MLLT10: variants seen among roughly 807,000 people sequenced by gnomAD.
The protein encoded by MLLT10 is MLLT10 histone lysine methyltransferase DOT1L cofactor.
Under a neutral mutation model 129.1 loss-of-function variants are expected in MLLT10, and 30 were observed. The observed-to-expected ratio is 0.23, with a 90% CI of 0.17 to 0.32. The LOEUF is 0.32. Ranked by LOEUF, MLLT10 falls within the 10% of genes least tolerant of loss-of-function variation. MLLT10 has a pLI of 1.00. For synonymous variants in MLLT10, 490 were observed against 446.4 expected, an observed-to-expected ratio of 1.10 and a Z score of -1.23; for missense variants, 1,119 against 1,268.3, an observed-to-expected ratio of 0.88 and a Z score of 1.79.
At position 21,631,363 on chromosome 10, in the gene MLLT10, AAG is replaced by A. The variant is rs2046997915; in HGVS notation, c.699+14160_699+14161del. On this transcript the variant is annotated intron_variant, in intron 8 of 22. Coordinates refer to ENST00000307729, the MANE Select transcript of MLLT10 (RefSeq NM_001195626.3). ...AAAGTAATGGGCAGACGAAGAGATA[AAG>A]AGACACCTATTAATAAATGATAGAG... 1.3e-5 allele frequency among the ~76,000 whole-genome samples: 2 copies of A among 151,666 alleles called. 1 individual carries two copies. Among genetic ancestry groups the A allele is most frequent in the South Asian group, 4.2e-4 (2 of 4,812 alleles).
chr10:21,671,206 T>C (rs543583431), intron 10 of MLLT10, among the ~76,000 whole-genome samples: 9 of 152,202 alleles, frequency 5.9e-5, no homozygotes, highest in Admixed American at 5.9e-4. Flanking sequence ...TTAGTAGAGA[T>C]GGGATTTCAC....
chr10:21,699,569 G>A (rs1052848644), intron 13 of MLLT10, among the ~76,000 whole-genome samples: 1 of 151,870 alleles, frequency 6.6e-6, no homozygotes, highest in African/African-American at 2.4e-5. Context: ...TAGAAATGGG[G>A]TACAGTTCTA....
At chr10:21,672,758 C>T (rs11812556) in intron 10 of MLLT10, among the ~76,000 whole-genome samples, 5,458 of 152,180 alleles carry the variant, frequency 0.036, 331 homozygotes, top group African/African-American at 0.12. Flanking sequence ...ATTATTTTGT[C>T]AAATCCATTT....
chr10:21,606,139 G>C (rs940652979), intron 5 of MLLT10, among the ~76,000 whole-genome samples: 16 of 152,118 alleles, frequency 1.1e-4, no homozygotes, highest in African/African-American at 3.9e-4. Flanking sequence ...AATAAATGTT[G>C]TATGTGTTCT....
At chr10:21,574,708 A>G (rs1370586992) in intron 3 of MLLT10, among the ~76,000 whole-genome samples, 2 of 152,184 alleles carry the variant, frequency 1.3e-5, no homozygotes, top group African/African-American at 4.8e-5. Context: ...TATATAGGGT[A>G]ACTTCCTGGC....
chr10:21,729,459 A>G (rs1022670668), intron 16 of MLLT10, among the ~76,000 whole-genome samples: 1 of 152,232 alleles, frequency 6.6e-6, no homozygotes, highest in East Asian at 1.9e-4. Context: ...TTATCCTGGT[A>G]TAGTGTACTA....
chr10:21,551,420 C>T (rs2130950714), intron 3 of MLLT10, among the ~76,000 whole-genome samples: 2 of 140,942 alleles, frequency 1.4e-5, no homozygotes, highest in East Asian at 2.2e-4. Flanking sequence ...TTTTTTGTTA[C>T]TGCTGACTCA....
intron 12 of MLLT10, among the ~76,000 whole-genome samples, chr10:21,681,875 T>C (rs1292396038): frequency 1.3e-5 from 2 of 152,172 alleles, no homozygotes; most frequent in Admixed American, 1.3e-4. Context: ...TTTACCTATA[T>C]AGATTTGCAT....
chr10:21,651,646 T>C, intron 8 of MLLT10, 27 bp from the exon 9 acceptor site: 2 of 1,535,912 alleles, frequency 1.3e-6, no homozygotes, highest in Non-Finnish European at 1.8e-6. Context: ...TAAATTAAAA[T>C]TGGATTTTAC....
At chr10:21,715,871 C>A (rs964471476) in intron 14 of MLLT10, among the ~76,000 whole-genome samples, 1 of 152,228 alleles carries the variant, frequency 6.6e-6, no homozygotes, top group Non-Finnish European at 1.5e-5. Flanking sequence ...GGGTCTCTTA[C>A]AAATGTGATC....
In MLLT10 at chr10:21,681,373, A is replaced by G. The variant is rs769164547; in HGVS notation, c.1663A>G (p.Thr555Ala). The change falls in exon 12 of 23, where the codon ACT (threonine) becomes GCT (alanine). Residue 555 changes from threonine (T) to alanine (A), a missense_variant. Around this residue, in one of 5 missense-constraint regions of MLLT10, gnomAD observed 1,004 missense variants for 1,008.7 expected, o/e 1.00. Transcript: ENST00000307729. ...QYRHDGACPT[T>A]TFSELLNAIH... ...TCGGCATGATGGAGCTTGCCCAACA[A>G]CTAGTAAGTTGTCAAACTGGGTTGA... 2.5e-6 allele frequency: 4 copies of G among 1,610,168 alleles called. No homozygotes were observed. The highest frequency in any genetic ancestry group is 1.7e-6 in the Non-Finnish European group (2 of 1,177,918).
chr10:21,704,353 CTCTCTA>C (rs1157009777), intron 13 of MLLT10, among the ~76,000 whole-genome samples: 3,169 of 64,234 alleles, frequency 0.049, 36 homozygotes, highest in African/African-American at 0.086. Flanking sequence ...CTCTCTCTCT[CTCTCTA>C]TATATATATA....
intron 5 of MLLT10, among the ~76,000 whole-genome samples, chr10:21,609,624 T>C (rs1393184130): frequency 1.3e-5 from 2 of 152,146 alleles, no homozygotes; most frequent in African/African-American, 4.8e-5. Flanking sequence ...CTTGCTGTCT[T>C]TCTCTAGTTC....
At chr10:21,546,883 A>G (rs1564382042) in intron 3 of MLLT10, among the ~76,000 whole-genome samples, 1 of 151,874 alleles carries the variant, frequency 6.6e-6, no homozygotes, top group Non-Finnish European at 1.5e-5. Flanking sequence ...ATGCGCCACC[A>G]CACCTGGCTG....
In MLLT10 at chr10:21,555,388, A is replaced by G. The variant is rs576293217; in HGVS notation, c.240+16476A>G. Among the ~76,000 whole-genome samples, 3 of 149,758 alleles carry G rather than the reference A, an allele frequency of 2.0e-5. No homozygotes were observed. In the East Asian group the frequency reaches 6.1e-4, roughly 31 times the overall value. On this transcript the variant is annotated intron_variant, in intron 3 of 22. Coordinates refer to ENST00000307729, the MANE Select transcript of MLLT10 (RefSeq NM_001195626.3). Reference sequence around the variant, plus strand: ...CAGGCGCCTGCCACCACGCCTGGCTAATTTTTGTATTTTTAGTAGAGACTG... The same window carrying G: ...CAGGCGCCTGCCACCACGCCTGGCTGATTTTTGTATTTTTAGTAGAGACTG...
In MLLT10 at chr10:21,733,841, C is replaced by T. The variant is rs547204318; in HGVS notation, c.2570C>T (p.Pro857Leu). 14 of 1,614,112 alleles carry T rather than the reference C, an allele frequency of 8.7e-6. No homozygotes were observed. The highest frequency in any genetic ancestry group is 2.2e-5 in the East Asian group (1 of 44,878). The change falls in exon 20 of 23, where the codon CCG becomes CTG. Residue 857 changes from proline (P) to leucine (L), a missense_variant. Around this residue, in one of 5 missense-constraint regions of MLLT10, gnomAD observed 1,004 missense variants for 1,008.7 expected, o/e 1.00. Transcript: ENST00000307729. ...ACCCCACCTCCTGCTGGGCAGAGTC[C>T]GGCTCAACAAGGCTCAGGAGTGAGT... ...LSTPPPAGQSPAQQGSGVSGV... is the reference protein window; with the variant it reads ...LSTPPPAGQSLAQQGSGVSGV...
chr10:21,665,005 G>T (rs1564607157), intron 9 of MLLT10, among the ~76,000 whole-genome samples: 1 of 143,832 alleles, frequency 7.0e-6, no homozygotes, highest in Non-Finnish European at 1.5e-5. Context: ...GAGTGCAGTA[G>T]CATGATCTCA....
At position 21,535,601 on chromosome 10, in the gene MLLT10, C is replaced by T. The variant is rs935433699; in HGVS notation, c.160+797C>T. Among the ~76,000 whole-genome samples the T allele has an allele frequency of 3.3e-5, 5 of 152,274 alleles. No individual in the cohort carries two copies. In the South Asian group the frequency reaches 1.0e-3, roughly 32 times the overall value. ...GAGGTTTTTGGATATACAAGAAGGCCGAGGACACTAGTAAGATACTTTTCT... is the reference window on the plus strand; with the variant it reads ...GAGGTTTTTGGATATACAAGAAGGCTGAGGACACTAGTAAGATACTTTTCT... On this transcript the variant is annotated intron_variant, in intron 2 of 22. Coordinates refer to ENST00000307729, the MANE Select transcript of MLLT10 (RefSeq NM_001195626.3).
chr10:21,633,045 G>A (rs1221157660), intron 8 of MLLT10, among the ~76,000 whole-genome samples: 1 of 152,120 alleles, frequency 6.6e-6, no homozygotes. Context: ...GTATATGATT[G>A]TTCATCACTA....
Sources: gnomAD v4.1 joint callset for allele counts (sites outside exome capture counted in the v4.1 genomes callset) on GRCh38, gnomAD v4.1.1 for gene constraint, gnomAD v4.1.1 regional missense constraint, MANE v1.5 for transcripts, NCBI Gene and HGNC (gene_info 2026-07-23, HGNC 2026-07-21) for gene names.